TBC1D32: variants seen among roughly 807,000 people sequenced by gnomAD.
The protein encoded by TBC1D32 is TBC1 domain family member 32.
Under a neutral mutation model 170.3 loss-of-function variants are expected in TBC1D32, and 151 were observed. That is an observed-to-expected ratio of 0.89 (90% confidence interval 0.78 to 1.01). The LOEUF (loss-of-function observed/expected upper bound fraction) is 1.01, where lower values mean the gene tolerates loss of function less well. Ranked by LOEUF, TBC1D32 falls within the 50% of genes least tolerant of loss-of-function variation. TBC1D32 has a pLI of 0.00. For synonymous variants in TBC1D32, 498 were observed against 488.0 expected (o/e 1.02, Z -0.27); for missense variants, 1,464 against 1,457.1 (o/e 1.00, Z -0.08).
At chr6:121,255,243 G>T in intron 17 of TBC1D32, 85 bp downstream of exon 17, 3 of 751,986 alleles carry the variant, frequency 4.0e-6, no homozygotes, top group Non-Finnish European at 6.0e-6. Flanking sequence ...AAACATTTTT[G>T]CCATAGTATT....
At chr6:121,231,574 C>A (rs539659168) in intron 20 of TBC1D32, among the ~76,000 whole-genome samples, 1 of 152,172 alleles carries the variant, frequency 6.6e-6, no homozygotes, top group South Asian at 2.1e-4. Context: ...TGCATCCACG[C>A]CAACATCTAT....
At chr6:121,270,770 C>A (rs1339862668) in intron 15 of TBC1D32, among the ~76,000 whole-genome samples, 1 of 152,300 alleles carries the variant, frequency 6.6e-6, no homozygotes, top group East Asian at 1.9e-4. Context: ...ATGAGGCCAG[C>A]ATCATCCTGA....
intron 22 of TBC1D32, among the ~76,000 whole-genome samples, chr6:121,192,703 G>A (rs1028424395): frequency 2.0e-5 from 3 of 152,186 alleles, no homozygotes; most frequent in Admixed American, 6.5e-5. Flanking sequence ...GAATGGAGAT[G>A]TGTGGTAGGA....
intron 10 of TBC1D32, among the ~76,000 whole-genome samples, chr6:121,298,287 G>T (rs1805955393): frequency 6.6e-6 from 1 of 151,976 alleles, no homozygotes; most frequent in Non-Finnish European, 1.5e-5. Flanking sequence ...AAAATATTAA[G>T]ATGATTTATA....
intron 20 of TBC1D32, among the ~76,000 whole-genome samples, chr6:121,232,750 T>C (rs187185239): frequency 5.9e-5 from 9 of 151,980 alleles, no homozygotes; most frequent in African/African-American, 1.2e-4. Context: ...TATTTCTTTT[T>C]TCCTGCTGGG....
At chr6:121,233,894 T>C (rs188764433) in intron 20 of TBC1D32, among the ~76,000 whole-genome samples, 1 of 152,332 alleles carries the variant, frequency 6.6e-6, no homozygotes, top group Admixed American at 6.5e-5. Context: ...GCAGTTCTTA[T>C]AGTGCTGGCT....
intron 30 of TBC1D32, among the ~76,000 whole-genome samples, chr6:121,096,577 C>G (rs1213398484): frequency 6.6e-6 from 1 of 152,092 alleles, no homozygotes; most frequent in African/African-American, 2.4e-5. Context: ...ACATTCCATG[C>G]TCATGGATAG....
intron 20 of TBC1D32, among the ~76,000 whole-genome samples, chr6:121,238,749 TG>T (rs1471303979): frequency 1.3e-5 from 2 of 152,088 alleles, no homozygotes; most frequent in African/African-American, 4.8e-5. Context: ...GTTGGTTGGT[TG>T]GTTTTTCTTT....
At chr6:121,299,609 T>G in intron 9 of TBC1D32, 104 bp from the exon 10 acceptor site, 2 of 1,179,200 alleles carry the variant, frequency 1.7e-6, no homozygotes, top group Non-Finnish European at 2.3e-6. Flanking sequence ...CACAATAGCT[T>G]AGGTTTAAAC....
intron 12 of TBC1D32, 107 bp downstream of exon 12, chr6:121,291,946 A>G: frequency 1.7e-6 from 2 of 1,192,160 alleles, no homozygotes; most frequent in Non-Finnish European, 2.2e-6. Flanking sequence ...AAAGGTATGT[A>G]GCTAAGTACC....
intron 21 of TBC1D32, among the ~76,000 whole-genome samples, chr6:121,211,789 A>C (rs1793099933): frequency 6.6e-6 from 1 of 152,152 alleles, no homozygotes; most frequent in Admixed American, 6.5e-5. Context: ...GGTTTGGGGA[A>C]CACCACTGTC....
chr6:121,235,733 C>A (rs1357510424), intron 20 of TBC1D32, among the ~76,000 whole-genome samples: 1 of 152,182 alleles, frequency 6.6e-6, no homozygotes, highest in Non-Finnish European at 1.5e-5. Context: ...GAGCCTGCAG[C>A]AGTGATCCAG....
intron 19 of TBC1D32, among the ~76,000 whole-genome samples, chr6:121,240,833 C>G (rs1307806619): frequency 6.8e-6 from 1 of 146,758 alleles, no homozygotes; most frequent in African/African-American, 2.5e-5. Flanking sequence ...TGAGACTATG[C>G]CATTGTACTC....
intron 24 of TBC1D32, among the ~76,000 whole-genome samples, chr6:121,156,817 T>C (rs1247537863): frequency 6.6e-6 from 1 of 152,180 alleles, no homozygotes; most frequent in Non-Finnish European, 1.5e-5. Flanking sequence ...TGTTTTTGTG[T>C]AGTTTTGAGA....
chr6:121,268,326 G>A (rs1563158063), intron 15 of TBC1D32, among the ~76,000 whole-genome samples: 1 of 152,090 alleles, frequency 6.6e-6, no homozygotes. Flanking sequence ...GCTAAAGGAG[G>A]ATGTTCAAAC....
At chr6:121,083,697 C>A (rs1182548575) in intron 31 of TBC1D32, among the ~76,000 whole-genome samples, 1 of 151,994 alleles carries the variant, frequency 6.6e-6, no homozygotes, top group South Asian at 2.1e-4. Flanking sequence ...GTAAAAGGAA[C>A]ACGGGATTTG....
chr6:121,080,052 C>T lies in TBC1D32; in HGVS notation c.*719G>A, dbSNP rs936079095. 6.6e-6 allele frequency: 1 copy of T among 152,084 alleles called. No homozygotes were observed. Among genetic ancestry groups the T allele is most frequent in the Non-Finnish European group, 1.5e-5 (1 of 68,020 alleles). 9.4% of individuals were successfully genotyped at this position (152,084 alleles called of 1,614,324 possible). A position where few individuals can be genotyped will look rare whatever the true frequency, so the allele number is the denominator to read the frequency against. On this transcript the variant is annotated 3_prime_UTR_variant, in exon 32 of 32. Transcript: ENST00000398212. The stretch of plus-strand genomic sequence containing the variant: ...AAGCAGCTGTAGTTTTATCCATTTT[C>T]CTTTACATGTACAGACATAAAGAAT...
intron 24 of TBC1D32, among the ~76,000 whole-genome samples, chr6:121,148,740 G>A (rs548628540): frequency 2.7e-4 from 41 of 151,928 alleles, no homozygotes; most frequent in African/African-American, 9.7e-4. Flanking sequence ...CAGCCTCCCG[G>A]GTAGCTGGGA....
intron 30 of TBC1D32, among the ~76,000 whole-genome samples, chr6:121,094,555 T>C (rs1326088270): frequency 6.6e-6 from 1 of 152,144 alleles, no homozygotes; most frequent in Non-Finnish European, 1.5e-5. Context: ...CAAACAAACA[T>C]GATGTAGTTT....
Sources: allele counts gnomAD v4.1 joint callset (sites outside exome capture counted in the v4.1 genomes callset), GRCh38; gene constraint gnomAD v4.1.1; transcripts MANE v1.5; gene names NCBI Gene and HGNC (gene_info 2026-07-23, HGNC 2026-07-21).